The following RIF1 variants were observed in gnomAD, a reference collection of about 807,000 sequenced individuals.
RIF1 encodes the protein telomere-associated protein RIF1.
In RIF1, 45 loss-of-function variants were observed where a neutral mutation model predicts 247.1. The observed-to-expected ratio is 0.18, with a 90% CI of 0.14 to 0.23. RIF1 has a LOEUF of 0.23. Ranked by LOEUF, RIF1 falls within the 10% of genes least tolerant of loss-of-function variation. RIF1 has a pLI of 1.00. For synonymous variants in RIF1, 1,087 were observed against 978.8 expected (o/e 1.11, Z -2.06); for missense variants, 2,967 against 2,862.5 (o/e 1.04, Z -0.83).
At chr2:151,515,049 C>A in the RIF1 span, 1 of 642,988 alleles carries the variant, frequency 1.6e-6, no homozygotes. Context: ...CATAGTTCTG[C>A]TAATGGTCAC....
rs754183567 is a variant in RIF1, at chr2:151,463,766, C to T, written c.4246C>T (p.Arg1416Trp). The change falls in exon 30 of 36, where the codon CGG becomes TGG. Residue 1416 changes from arginine (R) to tryptophan (W), a missense_variant. Arg to Trp is a moderately radical substitution (Grantham distance 101). Transcript: ENST00000444746. ...AACTCCAAATCAGAAAACCCTTAGA[C>T]GGTCTTCAAGGCGACGTTCAGAAGT... ...QITPNQKTLR[R>W]SSRRRSEVVE... 7 of 1,613,646 alleles carry T rather than the reference C, an allele frequency of 4.3e-6. No individual in the cohort carries two copies. The highest frequency in any genetic ancestry group is 4.5e-5 in the East Asian group (2 of 44,878).
chr2:151,512,251 G>A (rs977629848), downstream of RIF1, among the ~76,000 whole-genome samples: 12 of 151,866 alleles, frequency 7.9e-5, no homozygotes, highest in African/African-American at 2.9e-4. Context: ...AGCCAGGATG[G>A]TCTGGATCTC....
At chr2:151,529,932 C>T in the RIF1 span, among the ~76,000 whole-genome samples, 2 of 152,158 alleles carry the variant, frequency 1.3e-5, no homozygotes, top group East Asian at 1.9e-4. Flanking sequence ...GAGTTCAGAA[C>T]ATCTTGATAA....
downstream of RIF1, among the ~76,000 whole-genome samples, chr2:151,509,902 C>T (rs759298647): frequency 3.0e-4 from 45 of 152,146 alleles, no homozygotes; most frequent in African/African-American, 2.4e-4. Flanking sequence ...GCCACTGCGC[C>T]CGACCAAGAG....
chr2:151,483,434 C>A (rs528684164), downstream of RIF1: 2 of 152,046 alleles, frequency 1.3e-5, no homozygotes, highest in East Asian at 1.9e-4. Flanking sequence ...AAGGAAGTTA[C>A]AAGGTAATGA....
rs1331223483 is a variant in RIF1 at position 151,455,119 on chromosome 2, A to G, written c.2569A>G (p.Thr857Ala). The change falls in exon 22 of 36, where the codon ACT becomes GCT. Residue 857 changes from threonine (T) to alanine (A), a missense_variant. Physicochemically the swap from Thr to Ala is moderately conservative, Grantham distance 58. This residue lies in a region of RIF1 where 2,028 missense variants were observed against 1,825.6 expected (regional missense o/e 1.11). Transcript: ENST00000444746. ...LPSMIRKIFA[T>A]LTRPLALFYE... ...TTCTATGATCCGAAAAATATTTGCA[A>G]CTTTAACAAGACCTCTGGCATTATT... 1.2e-6 allele frequency: 2 copies of G among 1,612,860 alleles called. No individual in the cohort carries two copies. The highest frequency in any genetic ancestry group is 1.3e-5 in the African/African-American group (1 of 74,902).
chr2:151,521,177 A>G, the RIF1 span, among the ~76,000 whole-genome samples: 3 of 152,152 alleles, frequency 2.0e-5, no homozygotes, highest in Non-Finnish European at 4.4e-5. Flanking sequence ...AACTTGACAC[A>G]TCCAGCACAA....
chr2:151,413,474 A>T (rs1320122133), intron 3 of RIF1, among the ~76,000 whole-genome samples: 1 of 152,250 alleles, frequency 6.6e-6, no homozygotes, highest in Admixed American at 6.5e-5. Flanking sequence ...GAACCATACC[A>T]GGTAAAATAG....
At position 151,469,726 on chromosome 2, in the gene RIF1, A is replaced by G. The variant is rs776361312; in HGVS notation, c.6957A>G (p.Gly2319=). 1 of 1,588,106 alleles carries G rather than the reference A, an allele frequency of 6.3e-7. No individual in the cohort carries two copies. The highest frequency in any genetic ancestry group is 8.6e-7 in the Non-Finnish European group (1 of 1,169,060). ...ITSNMWARGL[G]QLIRAKNIKT... ...TTTTGTTTAGGGCAAGAGGCCTGGG[A>G]CAACTCATTAGAGCTAAGAATATAA... is the stretch of plus-strand genomic sequence containing the variant. The change falls in exon 34 of 36, where the codon GGA becomes GGG. Residue 2319 remains glycine, a synonymous_variant. Coordinates refer to ENST00000444746, the MANE Select transcript of RIF1 (RefSeq NM_018151.5).
chr2:151,469,907 T>C, intron 34 of RIF1, 43 bp downstream of exon 34: 1 of 1,428,110 alleles, frequency 7.0e-7, no homozygotes, highest in Non-Finnish European at 9.6e-7. Flanking sequence ...TAATAAATGA[T>C]GTAGCAGTAC....
chr2:151,514,984 C>A, the RIF1 span: 2 of 1,100,388 alleles, frequency 1.8e-6, no homozygotes, highest in East Asian at 2.6e-5. Flanking sequence ...TACAATATAT[C>A]TCTCCATCTC....
At chr2:151,467,387 GAC>G (rs1033510739) in intron 30 of RIF1, among the ~76,000 whole-genome samples, 1 of 151,930 alleles carries the variant, frequency 6.6e-6, no homozygotes, top group African/African-American at 2.4e-5. Flanking sequence ...CTGTCTGTAA[GAC>G]AGAGTAGTGC....
intron 34 of RIF1, among the ~76,000 whole-genome samples, chr2:151,472,235 T>C (rs141252571): frequency 8.5e-5 from 13 of 152,210 alleles, no homozygotes; most frequent in African/African-American, 2.9e-4. Flanking sequence ...CCTGAGACTT[T>C]GCTGAAGTTG....
At chr2:151,459,955 A>G (rs1695869723) in intron 25 of RIF1, 45 bp from the exon 26 acceptor site, 6 of 1,431,772 alleles carry the variant, frequency 4.2e-6, no homozygotes, top group African/African-American at 1.5e-5. Context: ...AAAGCAAAAT[A>G]TTACCGTTCT....
intron 18 of RIF1, among the ~76,000 whole-genome samples, chr2:151,444,219 G>A (rs546818071): frequency 3.3e-5 from 5 of 152,316 alleles, no homozygotes; most frequent in African/African-American, 1.2e-4. Flanking sequence ...TTTATGATTT[G>A]TCAGCCTCTT....
rs1297461332 is a variant in RIF1, at chr2:151,468,507, C to G, written c.6781C>G (p.Pro2261Ala). The change falls in exon 32 of 36, where the codon CCA (proline) becomes GCA (alanine). Residue 2261 changes from proline (P) to alanine (A), a missense_variant. By Grantham distance (27) the Pro-to-Ala change is conservative (BLOSUM62 -1). Transcript: ENST00000444746. ...NTTSAKGFLS[P>A]GSRSPKFKSS... ...CACTTCAGCCAAAGGATTTCTGTCCCCAGGATCACGTAGCCCTAAATTTAA... is the reference window on the plus strand; with the variant it reads ...CACTTCAGCCAAAGGATTTCTGTCCGCAGGATCACGTAGCCCTAAATTTAA... 8 of 1,613,520 alleles carry G rather than the reference C, an allele frequency of 5.0e-6. No individual in the cohort carries two copies. The highest frequency in any genetic ancestry group is 3.3e-5 in the Admixed American group (2 of 59,990).
At position 151,411,323 on chromosome 2, in the gene RIF1, G is replaced by C. The variant is rs1558921634; in HGVS notation, c.168G>C (p.Leu56=). Residue 56 remains leucine (L), a synonymous_variant, in exon 3 of 36, where the codon CTG becomes CTC. Coordinates refer to ENST00000444746, the MANE Select transcript of RIF1 (RefSeq NM_018151.5). ...ITEIEKKLPR[L]YKVLKTHISS... is the part of the protein sequence containing the mutation. ...AAATTGAGAAAAAACTTCCTCGGCT[G>C]TACAAAGTTTTAAAGGTATGTATCT... 6.3e-7 allele frequency: 1 copy of C among 1,592,410 alleles called. No homozygotes were observed. Among genetic ancestry groups the C allele is most frequent in the Non-Finnish European group, 8.6e-7 (1 of 1,164,444 alleles).
Position 151,438,561 on chromosome 2 carries a change from AAAATT to A in RIF1, c.1484-115_1484-111del, listed in dbSNP as rs201471868. The A allele has an allele frequency of 3.0e-3, 2,032 of 682,940 alleles. 26 individuals carry two copies. The East Asian group carries it at 0.031, about 10-fold the overall frequency. The allele number at this position is 682,940 out of a possible 1,614,324, so 42.3% of individuals were successfully genotyped here. A position where few individuals can be genotyped will look rare whatever the true frequency, so the allele number is the denominator to read the frequency against. ...TACTACAGGGTTGAGTATCATGAGGAAAATTAAATTAAGTATTGTTCAATTTATTT... is the reference window on the plus strand; with the variant it reads ...TACTACAGGGTTGAGTATCATGAGGAAAATTAAGTATTGTTCAATTTATTT... On this transcript the variant is annotated intron_variant, in intron 13 of 35. Transcript: ENST00000444746.
chr2:151,422,888 C>A, intron 7 of RIF1, 62 bp from the exon 8 acceptor site: 1 of 856,678 alleles, frequency 1.2e-6, no homozygotes, highest in Non-Finnish European at 1.9e-6. Context: ...TATTCCTAGA[C>A]TTTGGTATTG....
Sources: gnomAD v4.1 joint callset for allele counts (sites outside exome capture counted in the v4.1 genomes callset) on GRCh38, gnomAD v4.1.1 for gene constraint, gnomAD v4.1.1 regional missense constraint, MANE v1.5 for transcripts, NCBI Gene and HGNC (gene_info 2026-07-23, HGNC 2026-07-21) for gene names.